Variants in TBC1D22A observed in about 807,000 individuals in gnomAD.
TBC1D22A encodes the protein putative GTPase activator.
A neutral mutation model predicts 60.2 loss-of-function variants in TBC1D22A; 38 were observed. The observed-to-expected ratio is 0.63, with a 90% CI of 0.49 to 0.83. The LOEUF (loss-of-function observed/expected upper bound fraction) is 0.83, where lower values mean the gene tolerates loss of function less well. TBC1D22A is among the 40% of genes least tolerant of loss of function. The pLI, the probability that TBC1D22A is intolerant of heterozygous loss-of-function variation, is 0.00. For missense variants in TBC1D22A, 628 were observed against 701.0 expected, an observed-to-expected ratio of 0.90 and a Z score of 1.18; for synonymous variants, 302 against 281.7, an observed-to-expected ratio of 1.07 and a Z score of -0.72.
intron 8 of TBC1D22A, among the ~76,000 whole-genome samples, chr22:46,946,804 G>A (rs946597330): frequency 2.0e-5 from 3 of 152,164 alleles, no homozygotes; most frequent in African/African-American, 7.2e-5. Flanking sequence ...CAGCGTGCTT[G>A]ACTGCATTAG....
intron 11 of TBC1D22A, among the ~76,000 whole-genome samples, chr22:47,051,178 G>A (rs1603178078): frequency 6.6e-6 from 1 of 152,290 alleles, no homozygotes; most frequent in East Asian, 1.9e-4. Context: ...AGTGGGAGCA[G>A]GGAGGAGTTC....
At chr22:47,007,908 G>A (rs978491410) in intron 10 of TBC1D22A, among the ~76,000 whole-genome samples, 1 of 152,210 alleles carries the variant, frequency 6.6e-6, no homozygotes, top group Non-Finnish European at 1.5e-5. Context: ...ATTCAGCTTG[G>A]AAGTGTGGGG....
At chr22:46,968,483 A>G (rs1433503605) in intron 8 of TBC1D22A, among the ~76,000 whole-genome samples, 1 of 149,158 alleles carries the variant, frequency 6.7e-6, no homozygotes, top group Non-Finnish European at 1.5e-5. Flanking sequence ...GTTGGTGGGC[A>G]GGCGTCCTCA....
At chr22:46,817,800 A>G (rs1416184939) in intron 4 of TBC1D22A, among the ~76,000 whole-genome samples, 1 of 152,196 alleles carries the variant, frequency 6.6e-6, no homozygotes, top group African/African-American at 2.4e-5. Context: ...GTCAGATAGT[A>G]TTTCTGGTTC....
intron 6 of TBC1D22A, among the ~76,000 whole-genome samples, chr22:46,891,846 G>A (rs1029657380): frequency 1.3e-5 from 2 of 152,166 alleles, no homozygotes; most frequent in African/African-American, 2.4e-5. Context: ...ATGTGATACC[G>A]ACCCAGGAAA....
chr22:46,773,110 C>G (rs2083559606), intron 1 of TBC1D22A, among the ~76,000 whole-genome samples: 3 of 152,242 alleles, frequency 2.0e-5, no homozygotes, highest in African/African-American at 7.2e-5. Flanking sequence ...ACCTGCCCCT[C>G]CTTTCCTTCT....
intron 8 of TBC1D22A, among the ~76,000 whole-genome samples, chr22:46,970,954 C>T (rs1264216652): frequency 3.3e-5 from 5 of 152,128 alleles, no homozygotes; most frequent in Non-Finnish European, 4.4e-5. Flanking sequence ...GCCCTCACCC[C>T]GCTGTCACAG....
At position 47,112,440 on chromosome 22, in the gene TBC1D22A, G is replaced by A. The variant is rs937763708; in HGVS notation, c.1425+837G>A. Among the ~76,000 whole-genome samples, 12 of 152,190 alleles carry A rather than the reference G, an allele frequency of 7.9e-5. No individual in the cohort carries two copies. In the East Asian group the frequency reaches 1.7e-3, roughly 22 times the overall value. On this transcript the variant is annotated intron_variant, in intron 12 of 12. Coordinates refer to ENST00000337137, the MANE Select transcript of TBC1D22A (RefSeq NM_014346.5). Reference sequence around the variant, plus strand: ...GCTCTCGTCTCTCAGATAAAGGGACGGACCTAGGTCCCCAGGGCAGTGCTC... The same window carrying A: ...GCTCTCGTCTCTCAGATAAAGGGACAGACCTAGGTCCCCAGGGCAGTGCTC...
intron 4 of TBC1D22A, among the ~76,000 whole-genome samples, chr22:46,836,796 C>T (rs2086541712): frequency 1.3e-5 from 2 of 152,102 alleles, no homozygotes; most frequent in East Asian, 1.9e-4. Context: ...AGATATCCCA[C>T]ACCAATGATA....
chr22:46,819,388 T>A (rs2085733720), intron 4 of TBC1D22A, among the ~76,000 whole-genome samples: 1 of 152,204 alleles, frequency 6.6e-6, no homozygotes, highest in Admixed American at 6.5e-5. Context: ...ATAGCTCTTA[T>A]TATTTTGAGA....
chr22:47,105,101 G>A (rs143729586), intron 11 of TBC1D22A, among the ~76,000 whole-genome samples: 1 of 151,800 alleles, frequency 6.6e-6, no homozygotes, highest in Non-Finnish European at 1.5e-5. Flanking sequence ...ATTTGGCTCA[G>A]AATAAATCTC....
intron 8 of TBC1D22A, among the ~76,000 whole-genome samples, chr22:46,920,376 G>C (rs1410762740): frequency 2.1e-5 from 3 of 141,976 alleles, no homozygotes; most frequent in Admixed American, 1.3e-4. Flanking sequence ...ACTGTGCCTA[G>C]CTCAAAGCTG....
chr22:47,032,082 G>A (rs1263473496), intron 10 of TBC1D22A, among the ~76,000 whole-genome samples: 1 of 152,238 alleles, frequency 6.6e-6, no homozygotes, highest in African/African-American at 2.4e-5. Context: ...GTTTTCCCAG[G>A]TGGGGACATG....
chr22:46,801,078 A>G (rs760260613), intron 4 of TBC1D22A, among the ~76,000 whole-genome samples: 5 of 152,276 alleles, frequency 3.3e-5, no homozygotes, highest in African/African-American at 7.2e-5. Flanking sequence ...GCTAGATTTT[A>G]GCACGTAAAA....
At chr22:46,905,098 G>A (rs1054642762) in intron 7 of TBC1D22A, among the ~76,000 whole-genome samples, 1 of 152,206 alleles carries the variant, frequency 6.6e-6, no homozygotes, top group African/African-American at 2.4e-5. Flanking sequence ...AAGCCTCTGT[G>A]GCTTTCAGAG....
At position 47,117,379 on chromosome 22, in the gene TBC1D22A, C is replaced by T. The variant is rs867607108; in HGVS notation, c.1425+5776C>T. Among the ~76,000 whole-genome samples, 133 of 53,896 alleles carry T rather than the reference C, an allele frequency of 2.5e-3. 2 individuals carry two copies. Among genetic ancestry groups the T allele is most frequent in the African/African-American group, 9.1e-3 (112 of 12,288 alleles). 35.4% of individuals were successfully genotyped at this position (53,896 alleles called of 152,430 possible). A position where few individuals can be genotyped will look rare whatever the true frequency, so the allele number is the denominator to read the frequency against. On this transcript the variant is annotated intron_variant, in intron 12 of 12. Coordinates refer to ENST00000337137, the MANE Select transcript of TBC1D22A (RefSeq NM_014346.5). ...GGAGAGTCACCCCACACCGTGGCAT[C>T]GAGCAGGGAGAGTCACCCCACACCG...
At chr22:46,943,466 A>C (rs1273293301) in intron 8 of TBC1D22A, among the ~76,000 whole-genome samples, 1 of 152,264 alleles carries the variant, frequency 6.6e-6, no homozygotes, top group African/African-American at 2.4e-5. Flanking sequence ...GGCTGTAAGC[A>C]CAGAGTAGCG....
At chr22:47,037,889 T>A (rs1040873239) in intron 11 of TBC1D22A, among the ~76,000 whole-genome samples, 1 of 152,212 alleles carries the variant, frequency 6.6e-6, no homozygotes, top group Non-Finnish European at 1.5e-5. Flanking sequence ...TCACACCTTG[T>A]CTATATTTTG....
At chr22:47,098,974 C>T (rs2065300279) in intron 11 of TBC1D22A, among the ~76,000 whole-genome samples, 1 of 152,188 alleles carries the variant, frequency 6.6e-6, no homozygotes, top group South Asian at 2.1e-4. Context: ...AGCCCCAAAC[C>T]CTGACTGCGG....
Sources: allele counts gnomAD v4.1 joint callset (sites outside exome capture counted in the v4.1 genomes callset), GRCh38; gene constraint gnomAD v4.1.1; transcripts MANE v1.5; gene names NCBI Gene and HGNC (gene_info 2026-07-23, HGNC 2026-07-21).